The following OLFM3 variants were observed in gnomAD, a reference collection of about 807,000 sequenced individuals.
The protein encoded by OLFM3 is olfactomedin 3.
Under a neutral mutation model 48.6 loss-of-function variants are expected in OLFM3, and 20 were observed. The ratio of observed to expected loss-of-function variants is 0.41; its 90% CI spans 0.29 to 0.60. The LOEUF is 0.60. Among genes scored for constraint, OLFM3 ranks in the 20% least tolerant of loss-of-function variants. The pLI is 0.28. For missense variants in OLFM3, 437 were observed against 544.3 expected, an observed-to-expected ratio of 0.80 and a Z score of 1.96; for synonymous variants, 222 against 198.1, an observed-to-expected ratio of 1.12 and a Z score of -1.01.
chr1:101,869,306 T>C (rs1656980484), intron 1 of OLFM3, among the ~76,000 whole-genome samples: 1 of 152,172 alleles, frequency 6.6e-6, no homozygotes, highest in African/African-American at 2.4e-5. Flanking sequence ...ACCTCTTACA[T>C]TAGTGTCCCC....
chr1:101,834,833 A>G (rs1336606882), intron 2 of OLFM3, among the ~76,000 whole-genome samples: 1 of 152,184 alleles, frequency 6.6e-6, no homozygotes, highest in African/African-American at 2.4e-5. Flanking sequence ...GGTCATATTA[A>G]TTTCTATTAT....
chr1:101,887,020 A>G (rs1024183669), intron 1 of OLFM3, among the ~76,000 whole-genome samples: 5 of 152,084 alleles, frequency 3.3e-5, no homozygotes, highest in African/African-American at 1.2e-4. Context: ...TTGCTATTAG[A>G]ACAATTAGCT....
chr1:101,957,297 C>A (rs1442624365), intron 1 of OLFM3, among the ~76,000 whole-genome samples: 1 of 151,872 alleles, frequency 6.6e-6, no homozygotes, highest in East Asian at 1.9e-4. Flanking sequence ...ACATTTTGTC[C>A]TTTTCTTCCC....
intron 1 of OLFM3, among the ~76,000 whole-genome samples, chr1:101,927,058 T>C (rs1391245909): frequency 6.6e-6 from 1 of 152,160 alleles, no homozygotes; most frequent in Non-Finnish European, 1.5e-5. Context: ...CTTGAAATCT[T>C]TTTAGAATTA....
At chr1:101,810,845 A>G (rs1452158377) in intron 4 of OLFM3, among the ~76,000 whole-genome samples, 1 of 151,670 alleles carries the variant, frequency 6.6e-6, no homozygotes, top group Non-Finnish European at 1.5e-5. Flanking sequence ...ATCACTTAAT[A>G]TATATATCAA....
intron 1 of OLFM3, among the ~76,000 whole-genome samples, chr1:101,855,155 T>C (rs904104249): frequency 6.6e-6 from 1 of 152,090 alleles, no homozygotes; most frequent in African/African-American, 2.4e-5. Flanking sequence ...TTCTAGAAAG[T>C]ATATAAAATG....
intron 1 of OLFM3, among the ~76,000 whole-genome samples, chr1:101,897,156 A>G (rs1216630430): frequency 6.6e-6 from 1 of 152,158 alleles, no homozygotes; most frequent in Non-Finnish European, 1.5e-5. Flanking sequence ...ACCTGTAGAA[A>G]AGTAATCTGT....
chr1:101,949,192 A>G (rs1197269119), intron 1 of OLFM3, among the ~76,000 whole-genome samples: 1 of 152,128 alleles, frequency 6.6e-6, no homozygotes, highest in Non-Finnish European at 1.5e-5. Context: ...TTGGTTTCCA[A>G]AACACCACTG....
At chr1:101,910,129 T>C (rs1658699306) in intron 1 of OLFM3, 3 of 985,330 alleles carry the variant, frequency 3.0e-6, no homozygotes, top group Non-Finnish European at 3.6e-6. Context: ...TAAATAATCC[T>C]CTTCATCATC....
chr1:101,984,693 G>T (rs1472096096), intron 1 of OLFM3, among the ~76,000 whole-genome samples: 1 of 152,118 alleles, frequency 6.6e-6, no homozygotes, highest in Non-Finnish European at 1.5e-5. Context: ...AGCCACTGTG[G>T]CCGGCTGCAA....
At position 101,836,943 on chromosome 1, in the gene OLFM3, G is replaced by A. The variant is rs1655448578; in HGVS notation, c.152C>T (p.Ala51Val). The change falls in exon 2 of 6, where the codon GCT becomes GTT. Residue 51 changes from alanine to valine, a missense_variant. Around this residue, in one of 3 missense-constraint regions of OLFM3, gnomAD observed 314 missense variants for 365.5 expected, o/e 0.86. Coordinates refer to ENST00000370103, the MANE Select transcript of OLFM3 (RefSeq NM_058170.4). ...PDGRCICTVV[A>V]PEQNLCSRDA... ...CCGGGAACACAGGTTTTGTTCTGGA[G>A]CAACAACTGTGCAAATGCACCGCCC... The A allele has an allele frequency of 6.2e-7, 1 of 1,614,000 alleles. No individual in the cohort carries two copies.
chr1:101,929,436 C>T (rs927679669), intron 1 of OLFM3, among the ~76,000 whole-genome samples: 2 of 152,072 alleles, frequency 1.3e-5, no homozygotes, highest in African/African-American at 4.8e-5. Flanking sequence ...AGTAAGTGGA[C>T]TCAGCTCTTG....
chr1:101,810,680 A>G (rs755222745), intron 4 of OLFM3, among the ~76,000 whole-genome samples: 2 of 152,104 alleles, frequency 1.3e-5, no homozygotes, highest in Admixed American at 6.6e-5. Flanking sequence ...GAAACTGTGA[A>G]TATTCTGCAT....
chr1:101,895,323 G>A (rs527810510), intron 1 of OLFM3, among the ~76,000 whole-genome samples: 1 of 151,798 alleles, frequency 6.6e-6, no homozygotes, highest in African/African-American at 2.4e-5. Context: ...GATAAGTTAT[G>A]CGTATCAGCA....
At chr1:101,874,069 T>A (rs1657195319) in intron 1 of OLFM3, among the ~76,000 whole-genome samples, 2 of 151,972 alleles carry the variant, frequency 1.3e-5, no homozygotes, top group Non-Finnish European at 2.9e-5. Flanking sequence ...AGAGCAGGAA[T>A]AATCATCGTA....
chr1:101,927,197 T>A (rs978988894), intron 1 of OLFM3, among the ~76,000 whole-genome samples: 2 of 152,066 alleles, frequency 1.3e-5, no homozygotes, highest in Non-Finnish European at 2.9e-5. Flanking sequence ...CTAGAGGGGA[T>A]TGAGAAAAGA....
At chr1:101,882,523 C>A (rs1657574756) in intron 1 of OLFM3, 1 of 151,636 alleles carries the variant, frequency 6.6e-6, no homozygotes, top group Non-Finnish European at 1.5e-5. Flanking sequence ...GCCAGGGCTG[C>A]CTATAAGATA....
intron 1 of OLFM3, among the ~76,000 whole-genome samples, chr1:101,967,590 GAAAAAAAAAA>G (rs71592233): frequency 9.0e-5 from 4 of 44,570 alleles, no homozygotes; most frequent in Admixed American, 7.0e-4. Context: ...CCTAGTCAGT[GAAAAAAAAAA>G]AAAAAAAAAA....
intron 1 of OLFM3, among the ~76,000 whole-genome samples, chr1:101,881,717 C>T (rs1161637148): frequency 6.6e-6 from 1 of 151,728 alleles, no homozygotes; most frequent in Non-Finnish European, 1.5e-5. Context: ...AGTTGGCTCT[C>T]CCACAGTCTT....
Sources: allele counts gnomAD v4.1 joint callset (sites outside exome capture counted in the v4.1 genomes callset), GRCh38; gene constraint gnomAD v4.1.1; regional missense constraint gnomAD v4.1.1; transcripts MANE v1.5; gene names NCBI Gene and HGNC (gene_info 2026-07-23, HGNC 2026-07-21).